Variants in GAS7 observed in about 807,000 individuals in gnomAD.
GAS7 encodes growth arrest specific 7, also known as growth arrest-specific protein 7.
In GAS7, 28 loss-of-function variants were observed where a neutral mutation model predicts 71.1. The observed-to-expected ratio is 0.39, with a 90% CI of 0.29 to 0.54. The LOEUF is 0.54. Ranked by LOEUF, GAS7 falls within the 20% of genes least tolerant of loss-of-function variation. The pLI is 0.62. For synonymous variants in GAS7, 258 were observed against 245.8 expected, an observed-to-expected ratio of 1.05 and a Z score of -0.46; for missense variants, 436 against 627.8, an observed-to-expected ratio of 0.69 and a Z score of 3.27.
chr17:9,982,865 GAAAGCA>G (rs2070481828), intron 2 of GAS7, among the ~76,000 whole-genome samples: 1 of 147,542 alleles, frequency 6.8e-6, no homozygotes, highest in Non-Finnish European at 1.5e-5. Flanking sequence ...AAGAAAGAAA[GAAAGCA>G]AAGAAAGCAA....
chr17:10,060,484 T>C (rs999608304), intron 1 of GAS7, among the ~76,000 whole-genome samples: 1 of 152,148 alleles, frequency 6.6e-6, no homozygotes, highest in African/African-American at 2.4e-5. Context: ...TTCCCAGGTC[T>C]GGCACATGGA....
At chr17:9,965,908 C>A (rs540209268) in intron 4 of GAS7, among the ~76,000 whole-genome samples, 7 of 152,232 alleles carry the variant, frequency 4.6e-5, no homozygotes, top group Non-Finnish European at 1.0e-4. Context: ...CACTATCAGT[C>A]CTCCCCATGA....
intron 3 of GAS7, among the ~76,000 whole-genome samples, chr17:9,976,550 G>A (rs1308646302): frequency 3.3e-5 from 5 of 152,224 alleles, no homozygotes; most frequent in Admixed American, 3.3e-4. Flanking sequence ...CCTGCTCAGA[G>A]GAAGCACAGC....
At chr17:9,954,771 A>T (rs1423198691) in intron 5 of GAS7, among the ~76,000 whole-genome samples, 1 of 152,158 alleles carries the variant, frequency 6.6e-6, no homozygotes, top group Non-Finnish European at 1.5e-5. Flanking sequence ...ACAAAGTGCT[A>T]TCCAACCCAA....
At chr17:10,038,630 G>A (rs532096336) in intron 1 of GAS7, among the ~76,000 whole-genome samples, 5 of 152,010 alleles carry the variant, frequency 3.3e-5, no homozygotes, top group African/African-American at 4.8e-5. Flanking sequence ...GCCAGAAGGT[G>A]GAAACAATGC....
intron 1 of GAS7, among the ~76,000 whole-genome samples, chr17:10,067,107 G>T (rs1001343119): frequency 6.6e-6 from 1 of 151,988 alleles, no homozygotes; most frequent in African/African-American, 2.4e-5. Context: ...CCATGGTTCT[G>T]CCATCCTTTA....
intron 1 of GAS7, among the ~76,000 whole-genome samples, chr17:10,110,101 C>T (rs1397676249): frequency 2.0e-5 from 3 of 149,742 alleles, no homozygotes; most frequent in African/African-American, 2.5e-5. Context: ...TGTACTCACA[C>T]GTTTACTGCA....
chr17:9,913,219 T>C lies in GAS7; in HGVS notation c.*4009A>G, dbSNP rs79774076. 1.0e-4 allele frequency: 24 copies of C among 232,444 alleles called. No homozygotes were observed. Among genetic ancestry groups the C allele is most frequent in the African/African-American group, 4.6e-4 (21 of 45,386 alleles). 14.4% of individuals were successfully genotyped at this position (232,444 alleles called of 1,614,324 possible). A position where few individuals can be genotyped will look rare whatever the true frequency, so the allele number is the denominator to read the frequency against. On this transcript the variant is annotated 3_prime_UTR_variant, in exon 14 of 14. Coordinates refer to ENST00000432992, the MANE Select transcript of GAS7 (RefSeq NM_201433.2). ...GAAAAGGTGGTGGCGATGGGCCTTG[T>C]AGGGATGGCAAGGATTATGGGGATA...
chr17:9,989,554 A>C (rs2152140590), intron 2 of GAS7, among the ~76,000 whole-genome samples: 1 of 152,320 alleles, frequency 6.6e-6, no homozygotes, highest in South Asian at 2.1e-4. Context: ...TGAAAACTTA[A>C]AAATTTTCTA....
In GAS7 at chr17:9,914,426, C is replaced by G. The variant is rs2067525872; in HGVS notation, c.*2802G>C. The G allele has an allele frequency of 5.6e-6, 1 of 180,018 alleles. No homozygotes were observed. Among genetic ancestry groups the G allele is most frequent in the Non-Finnish European group, 1.2e-5 (1 of 84,164 alleles). The allele number at this position is 180,018 out of a possible 1,614,324, so 11.2% of individuals were successfully genotyped here. A position where few individuals can be genotyped will look rare whatever the true frequency, so the allele number is the denominator to read the frequency against. ...TATTTTTAGCAGAGACGGGGTTTCACCATGTTAGCCAGGATGGTCTCGATC... is the reference window on the plus strand; with the variant it reads ...TATTTTTAGCAGAGACGGGGTTTCAGCATGTTAGCCAGGATGGTCTCGATC... On this transcript the variant is annotated 3_prime_UTR_variant, in exon 14 of 14. Coordinates refer to ENST00000432992, the MANE Select transcript of GAS7 (RefSeq NM_201433.2).
intron 2 of GAS7, among the ~76,000 whole-genome samples, chr17:9,986,446 G>A (rs1237941931): frequency 1.3e-5 from 2 of 152,062 alleles, no homozygotes; most frequent in Admixed American, 6.6e-5. Context: ...CAACCACTGC[G>A]GACCCAAAAT....
chr17:10,166,664 A>G (rs1372132499), intron 1 of GAS7, among the ~76,000 whole-genome samples: 1 of 152,236 alleles, frequency 6.6e-6, no homozygotes, highest in Non-Finnish European at 1.5e-5. Flanking sequence ...TTTGTTATAC[A>G]TGGTATTTTG....
At chr17:9,974,000 A>G (rs2070080054) in intron 3 of GAS7, among the ~76,000 whole-genome samples, 2 of 151,826 alleles carry the variant, frequency 1.3e-5, no homozygotes, top group Admixed American at 6.6e-5. Flanking sequence ...AGACCCTCCA[A>G]ATGCATGCCC....
intron 1 of GAS7, among the ~76,000 whole-genome samples, chr17:10,115,716 TAAC>T (rs1328910138): frequency 5.9e-5 from 9 of 152,156 alleles, no homozygotes; most frequent in Admixed American, 1.3e-4. Context: ...CTACTGTTGT[TAAC>T]AACAAGACAA....
chr17:10,167,622 G>A (rs1007219195), intron 1 of GAS7, among the ~76,000 whole-genome samples: 2 of 152,138 alleles, frequency 1.3e-5, no homozygotes, highest in African/African-American at 2.4e-5. Flanking sequence ...AAGAGTCATC[G>A]AACACAGGCA....
At chr17:10,018,030 T>A (rs1284606057) in intron 2 of GAS7, among the ~76,000 whole-genome samples, 1 of 152,236 alleles carries the variant, frequency 6.6e-6, no homozygotes. Flanking sequence ...TGCGATGGAT[T>A]ACTACACAGC....
At chr17:10,108,943 A>C (rs1428899469) in intron 1 of GAS7, among the ~76,000 whole-genome samples, 1 of 152,188 alleles carries the variant, frequency 6.6e-6, no homozygotes, top group Non-Finnish European at 1.5e-5. Flanking sequence ...TCAAAAGCAC[A>C]GACAACAAAA....
chr17:9,973,332 C>T (rs8078176), intron 3 of GAS7, among the ~76,000 whole-genome samples: 6,025 of 151,492 alleles, frequency 0.04, 367 homozygotes, highest in African/African-American at 0.13. Flanking sequence ...CGGCTCACTG[C>T]GACCTCCGCC....
intron 1 of GAS7, among the ~76,000 whole-genome samples, chr17:10,029,247 G>A (rs2072548933): frequency 6.6e-6 from 1 of 152,176 alleles, no homozygotes; most frequent in South Asian, 2.1e-4. Context: ...GACCTTCATT[G>A]TACTTCAAGG....
Sources: gnomAD v4.1 joint callset for allele counts (sites outside exome capture counted in the v4.1 genomes callset) on GRCh38, gnomAD v4.1.1 for gene constraint, MANE v1.5 for transcripts, NCBI Gene and HGNC (gene_info 2026-07-23, HGNC 2026-07-21) for gene names.